MOB3B: variants seen among roughly 807,000 people sequenced by gnomAD.
MOB3B encodes MOB kinase activator-like 2B.
Under a neutral mutation model 18.7 loss-of-function variants are expected in MOB3B, and 7 were observed. The ratio of observed to expected loss-of-function variants is 0.37; its 90% CI spans 0.21 to 0.70. MOB3B has a LOEUF of 0.70. Among genes scored for constraint, MOB3B ranks in the 30% least tolerant of loss-of-function variants. The pLI, the probability that MOB3B is intolerant of heterozygous loss-of-function variation, is 0.52. For synonymous variants in MOB3B, 111 were observed against 99.9 expected, an observed-to-expected ratio of 1.11 and a Z score of -0.66; for missense variants, 253 against 281.3, an observed-to-expected ratio of 0.90 and a Z score of 0.72.
intron 2 of MOB3B, among the ~76,000 whole-genome samples, chr9:27,415,705 A>G (rs931577395): frequency 6.6e-6 from 1 of 152,288 alleles, no homozygotes; most frequent in Non-Finnish European, 1.5e-5. Context: ...CTCACTTCCA[A>G]ATGGAAAAGG....
rs548215958 is a variant in MOB3B, at chr9:27,503,052, T to C, written c.-199+26503A>G. 3.3e-5 allele frequency among the ~76,000 whole-genome samples: 5 copies of C among 152,250 alleles called. No homozygotes were observed. In the East Asian group the frequency reaches 9.7e-4, roughly 29 times the overall value. On this transcript the variant is annotated intron_variant, in intron 1 of 3. Transcript: ENST00000262244. Reference sequence around the variant, plus strand: ...AAGTGTTAGTTCAGAGAATGAGAGATGCTGACTTCATTGTTTCCCAATTCA... The same window carrying C: ...AAGTGTTAGTTCAGAGAATGAGAGACGCTGACTTCATTGTTTCCCAATTCA...
chr9:27,477,249 C>A (rs1043530303), intron 1 of MOB3B, among the ~76,000 whole-genome samples: 2 of 152,190 alleles, frequency 1.3e-5, no homozygotes, highest in East Asian at 3.8e-4. Context: ...CATAGCCAAT[C>A]CTGCCTTGGC....
intron 2 of MOB3B, among the ~76,000 whole-genome samples, chr9:27,444,102 A>G (rs937578126): frequency 1.1e-4 from 16 of 151,564 alleles, no homozygotes; most frequent in Non-Finnish European, 2.2e-4. Context: ...TGCCTTTGCA[A>G]CCCCTGTCCT....
intron 2 of MOB3B, among the ~76,000 whole-genome samples, chr9:27,419,734 C>T (rs1822210970): frequency 6.6e-6 from 1 of 152,182 alleles, no homozygotes; most frequent in East Asian, 1.9e-4. Context: ...GCCTTCTAGC[C>T]ATTGGCTTAG....
rs140015431 is a variant in MOB3B, at chr9:27,346,838, T to C, written c.621+12196A>G. On this transcript the variant is annotated intron_variant, in intron 3 of 3. Transcript: ENST00000262244. Reference sequence around the variant, plus strand: ...GGTGAAACCCTGTCTCTACTAAAAATACAAAAAATTAGCCAGTTGTGGTGG... The same window carrying C: ...GGTGAAACCCTGTCTCTACTAAAAACACAAAAAATTAGCCAGTTGTGGTGG... Among the ~76,000 whole-genome samples the C allele has an allele frequency of 3.0e-3, 460 of 152,054 alleles. 1 individual carries two copies. The highest frequency in any genetic ancestry group is 0.01 in the African/African-American group (415 of 41,470).
rs141237656 is a variant in MOB3B at position 27,480,180 on chromosome 9, T to C, written c.-198-24432A>G. ...ACTTTTTTTTTTCTTTGAGACAGAGTCTCACTCTGTTGCCCAGGCTGGAGT... is the reference window on the plus strand; with the variant it reads ...ACTTTTTTTTTTCTTTGAGACAGAGCCTCACTCTGTTGCCCAGGCTGGAGT... On this transcript the variant is annotated intron_variant, in intron 1 of 3. Transcript: ENST00000262244. Among the ~76,000 whole-genome samples, 1,166 of 151,704 alleles carry C rather than the reference T, an allele frequency of 7.7e-3. 16 individuals are homozygous for C. The highest frequency in any genetic ancestry group is 0.026 in the African/African-American group (1,082 of 41,354).
At chr9:27,458,945 C>T (rs990636034) in intron 1 of MOB3B, among the ~76,000 whole-genome samples, 1 of 152,132 alleles carries the variant, frequency 6.6e-6, no homozygotes, top group Non-Finnish European at 1.5e-5. Flanking sequence ...ATGAGGCTGT[C>T]TCTTTAGGTC....
chr9:27,439,891 T>C (rs768049844), intron 2 of MOB3B, among the ~76,000 whole-genome samples: 3 of 151,966 alleles, frequency 2.0e-5, no homozygotes, highest in Non-Finnish European at 4.4e-5. Context: ...AGTTCCCTCA[T>C]TGGGAAAACA....
At chr9:27,366,089 G>A (rs1821339281) in intron 2 of MOB3B, among the ~76,000 whole-genome samples, 3 of 152,146 alleles carry the variant, frequency 2.0e-5, no homozygotes, top group East Asian at 3.9e-4. Context: ...GAGAGTGCAG[G>A]CCTGGAGTCT....
At chr9:27,497,082 A>C (rs1452254691) in intron 1 of MOB3B, among the ~76,000 whole-genome samples, 1 of 152,204 alleles carries the variant, frequency 6.6e-6, no homozygotes, top group African/African-American at 2.4e-5. Flanking sequence ...TATCTAGACA[A>C]AAGCAGTCAA....
intron 1 of MOB3B, among the ~76,000 whole-genome samples, chr9:27,509,169 C>T (rs188020976): frequency 2.0e-5 from 3 of 152,290 alleles, no homozygotes; most frequent in Admixed American, 6.5e-5. Context: ...TCATTATTCA[C>T]ATGTCATCCC....
intron 1 of MOB3B, among the ~76,000 whole-genome samples, chr9:27,471,959 G>C (rs373272634): frequency 1.3e-5 from 2 of 152,292 alleles, no homozygotes; most frequent in African/African-American, 4.8e-5. Flanking sequence ...GAATCATCCC[G>C]AGTCCAAGGG....
At chr9:27,437,531 C>T (rs2131429202) in intron 2 of MOB3B, among the ~76,000 whole-genome samples, 1 of 152,200 alleles carries the variant, frequency 6.6e-6, no homozygotes, top group South Asian at 2.1e-4. Context: ...TATTACTGGT[C>T]ATTGATGAAT....
At chr9:27,478,195 C>G (rs1219919358) in intron 1 of MOB3B, among the ~76,000 whole-genome samples, 1 of 152,116 alleles carries the variant, frequency 6.6e-6, no homozygotes, top group East Asian at 1.9e-4. Context: ...GAAGCAAACT[C>G]AAATTGTTCT....
intron 1 of MOB3B, among the ~76,000 whole-genome samples, chr9:27,519,090 A>G (rs1820285596): frequency 6.6e-6 from 1 of 152,204 alleles, no homozygotes; most frequent in African/African-American, 2.4e-5. Context: ...CTAAGTTGCC[A>G]TCTACCACTC....
chr9:27,509,077 T>A (rs568642483), intron 1 of MOB3B, among the ~76,000 whole-genome samples: 8 of 152,348 alleles, frequency 5.3e-5, no homozygotes, highest in African/African-American at 1.9e-4. Flanking sequence ...CTCTCCAGTG[T>A]ACCATGCCAC....
chr9:27,330,503 T>C lies in MOB3B; in HGVS notation c.*84A>G. On this transcript the variant is annotated 3_prime_UTR_variant, in exon 4 of 4. Coordinates refer to ENST00000262244, the MANE Select transcript of MOB3B (RefSeq NM_024761.5). ...CTGTTCCTGGGAGTAGGTGTGTCATTTCAGCCAGGGTGGTCCACCTCCTGC... is the reference window on the plus strand; with the variant it reads ...CTGTTCCTGGGAGTAGGTGTGTCATCTCAGCCAGGGTGGTCCACCTCCTGC... 6.3e-7 allele frequency: 1 copy of C among 1,589,032 alleles called. No individual in the cohort carries two copies. Among genetic ancestry groups the C allele is most frequent in the Non-Finnish European group, 8.6e-7 (1 of 1,165,146 alleles).
At chr9:27,516,172 C>T (rs1002071924) in intron 1 of MOB3B, among the ~76,000 whole-genome samples, 1 of 152,208 alleles carries the variant, frequency 6.6e-6, no homozygotes, top group Admixed American at 6.5e-5. Flanking sequence ...CATGATGGCA[C>T]TCTGATTTTG....
At chr9:27,344,658 C>A (rs1487999058) in intron 3 of MOB3B, among the ~76,000 whole-genome samples, 1 of 148,760 alleles carries the variant, frequency 6.7e-6, no homozygotes, top group East Asian at 1.9e-4. Flanking sequence ...GCAAGAGTGC[C>A]AACCTTAATG....
Sources: allele counts gnomAD v4.1 joint callset (sites outside exome capture counted in the v4.1 genomes callset), GRCh38; gene constraint gnomAD v4.1.1; transcripts MANE v1.5; gene names NCBI Gene and HGNC (gene_info 2026-07-23, HGNC 2026-07-21).